TIAM2: variants seen among roughly 807,000 people sequenced by gnomAD.
TIAM2 encodes rho guanine nucleotide exchange factor TIAM2.
A neutral mutation model predicts 152.9 loss-of-function variants in TIAM2; 80 were observed. The observed-to-expected ratio is 0.52, with a 90% CI of 0.44 to 0.63. The LOEUF is 0.63. Among genes scored for constraint, TIAM2 ranks in the 30% least tolerant of loss-of-function variants. The pLI is 0.00. For missense variants in TIAM2, 1,965 were observed against 2,120.1 expected (o/e 0.93, Z 1.44); for synonymous variants, 804 against 838.0 (o/e 0.96, Z 0.70).
intron 1 of TIAM2, among the ~76,000 whole-genome samples, chr6:155,082,666 C>CAATG (rs1554228916): frequency 7.1e-6 from 1 of 141,376 alleles, no homozygotes; most frequent in Admixed American, 7.2e-5. Flanking sequence ...AAAAAAACCC[C>CAATG]AATAAATAAA....
chr6:155,215,841 C>G (rs1781844544), intron 15 of TIAM2, among the ~76,000 whole-genome samples: 1 of 150,864 alleles, frequency 6.6e-6, no homozygotes. Flanking sequence ...AAGTTCTCAC[C>G]CTGTTGTGCA....
intron 1 of TIAM2, among the ~76,000 whole-genome samples, chr6:155,066,763 TTTG>T (rs1777701693): frequency 7.8e-6 from 1 of 128,766 alleles, no homozygotes; most frequent in African/African-American, 2.6e-5. Context: ...TGTTTGTTTG[TTTG>T]TTTTTTTGAG....
At position 155,248,103 on chromosome 6, in the gene TIAM2, G is replaced by C; in HGVS notation, c.3756G>C (p.Val1252=). 3 of 1,614,216 alleles carry C rather than the reference G, an allele frequency of 1.9e-6. No individual in the cohort carries two copies. The highest frequency in any genetic ancestry group is 2.5e-6 in the Non-Finnish European group (3 of 1,180,050). The change falls in exon 20 of 27, where the codon GTG becomes GTC. Residue 1252 remains valine, a synonymous_variant. Transcript: ENST00000682666. ...ESYLIKPVQR[V]LKYPLLLKEL... ...ACCTCATCAAGCCGGTTCAGAGAGT[G>C]CTCAAGTACCCGCTGCTGCTCAAGG...
chr6:155,137,213 A>G lies in TIAM2; in HGVS notation c.1231A>G (p.Ser411Gly), dbSNP rs750244093. The change falls in exon 5 of 27, where the codon AGT (serine) becomes GGT (glycine). Residue 411 changes from serine to glycine, a missense_variant. Ser to Gly is a moderately conservative substitution (Grantham distance 56, BLOSUM62 0). This residue lies in a region of TIAM2 where 1,025 missense variants were observed against 1,119.4 expected (regional missense o/e 0.92). Coordinates refer to ENST00000682666, the MANE Select transcript of TIAM2 (RefSeq NM_012454.4). ...RSKEGSDYFD[S>G]RSDGLNTDVQ... ...CAAGGAGGGCAGTGACTACTTTGAC[A>G]GTCGCTCTGATGGACTGAATACAGA... The G allele has an allele frequency of 1.9e-6, 3 of 1,614,038 alleles. No individual in the cohort carries two copies. The highest frequency in any genetic ancestry group is 1.1e-5 in the South Asian group (1 of 91,080).
intron 15 of TIAM2, among the ~76,000 whole-genome samples, chr6:155,225,283 T>G (rs961772278): frequency 6.6e-6 from 1 of 152,166 alleles, no homozygotes; most frequent in Non-Finnish European, 1.5e-5. Flanking sequence ...ATTCCCTTCT[T>G]GGTTCATTCA....
chr6:155,059,167 A>C (rs1166488524), intron 1 of TIAM2, among the ~76,000 whole-genome samples: 1 of 152,074 alleles, frequency 6.6e-6, no homozygotes, highest in East Asian at 1.9e-4. Flanking sequence ...TCTACATTGC[A>C]GTTAGTTGTA....
At chr6:155,185,291 T>G (rs1781014675) in intron 14 of TIAM2, among the ~76,000 whole-genome samples, 4 of 151,814 alleles carry the variant, frequency 2.6e-5, no homozygotes, top group African/African-American at 9.7e-5. Context: ...CACGCCTGGC[T>G]AATTTCTGCG....
intron 1 of TIAM2, among the ~76,000 whole-genome samples, chr6:154,999,170 T>C (rs534239946): frequency 7.2e-5 from 11 of 152,018 alleles, no homozygotes; most frequent in African/African-American, 2.6e-4. Context: ...ATCTCTATTA[T>C]ATATTCAAAG....
intron 1 of TIAM2, among the ~76,000 whole-genome samples, chr6:155,055,952 A>G (rs545534046): frequency 0.091 from 13,807 of 151,912 alleles, 2,121 homozygotes; most frequent in African/African-American, 0.32. Context: ...ACAGAAAGAG[A>G]AACCCTGACT....
At chr6:155,145,028 T>C (rs1171000979) in intron 6 of TIAM2, among the ~76,000 whole-genome samples, 4 of 152,110 alleles carry the variant, frequency 2.6e-5, no homozygotes, top group Non-Finnish European at 5.9e-5. Context: ...AGATGCTCAT[T>C]GGGACACAAA....
At chr6:155,104,346 C>G (rs999746677) in intron 2 of TIAM2, among the ~76,000 whole-genome samples, 1 of 152,030 alleles carries the variant, frequency 6.6e-6, no homozygotes, top group Non-Finnish European at 1.5e-5. Context: ...CATTTTTTCT[C>G]TCCTCCCTGC....
In TIAM2 at chr6:155,091,242, TC is replaced by T. The variant is rs558404528; in HGVS notation, c.-118+865del. ...CACGCTCTCTTAGTTGCCTGCAAAG[TC>T]CTTGTCCCTCACTGATCGTTTTCTC... On this transcript the variant is annotated intron_variant, in intron 2 of 26. Coordinates refer to ENST00000682666, the MANE Select transcript of TIAM2 (RefSeq NM_012454.4). Among the ~76,000 whole-genome samples the T allele has an allele frequency of 3.0e-3, 462 of 152,244 alleles. 2 individuals are homozygous for T. The highest frequency in any genetic ancestry group is 0.011 in the African/African-American group (439 of 41,542).
rs76127599 is a variant in TIAM2, at chr6:155,207,969, A to G, written c.3065-3235A>G. Among the ~76,000 whole-genome samples the G allele has an allele frequency of 1.3e-3, 196 of 152,208 alleles. 1 individual carries two copies. Among genetic ancestry groups the G allele is most frequent in the African/African-American group, 4.4e-3 (181 of 41,534 alleles). On this transcript the variant is annotated intron_variant, in intron 14 of 26. Coordinates refer to ENST00000682666, the MANE Select transcript of TIAM2 (RefSeq NM_012454.4). ...ACCCGCTTTTGACATCAGCCATGCT[A>G]TATTTTCACTAGCATCCATCTGGCA...
intron 1 of TIAM2, among the ~76,000 whole-genome samples, chr6:155,040,351 A>G (rs1777003515): frequency 6.6e-6 from 1 of 152,120 alleles, no homozygotes; most frequent in African/African-American, 2.4e-5. Context: ...TATCATTGAA[A>G]GCACCACTTA....
intron 14 of TIAM2, among the ~76,000 whole-genome samples, chr6:155,187,985 C>T (rs1015515399): frequency 7.2e-5 from 11 of 152,196 alleles, no homozygotes; most frequent in East Asian, 3.8e-4. Flanking sequence ...TGAGCACTCC[C>T]GCTGCCCCTT....
chr6:155,200,766 G>T (rs1781456670), intron 14 of TIAM2, among the ~76,000 whole-genome samples: 1 of 152,114 alleles, frequency 6.6e-6, no homozygotes, highest in African/African-American at 2.4e-5. Flanking sequence ...AGCTGGGCAT[G>T]GTGGCGCACA....
intron 1 of TIAM2, among the ~76,000 whole-genome samples, chr6:155,054,253 G>A (rs972550810): frequency 2.6e-5 from 4 of 152,246 alleles, no homozygotes; most frequent in East Asian, 1.9e-4. Context: ...AGAGGCACTC[G>A]TACTCTGTGC....
chr6:155,244,951 GGC>G, intron 18 of TIAM2, 168 bp downstream of exon 18: 1 of 862,352 alleles, frequency 1.2e-6, no homozygotes, highest in Non-Finnish European at 1.6e-6. Flanking sequence ...GGTAAAGGAA[GGC>G]TGTATATATT....
intron 2 of TIAM2, among the ~76,000 whole-genome samples, chr6:155,096,394 A>G (rs1395378227): frequency 6.6e-6 from 1 of 152,158 alleles, no homozygotes; most frequent in Non-Finnish European, 1.5e-5. Flanking sequence ...TTTGGAACTT[A>G]TAATACATTA....
Sources: allele counts gnomAD v4.1 joint callset (sites outside exome capture counted in the v4.1 genomes callset), GRCh38; gene constraint gnomAD v4.1.1; regional missense constraint gnomAD v4.1.1; transcripts MANE v1.5; gene names NCBI Gene and HGNC (gene_info 2026-07-23, HGNC 2026-07-21).